The following CCDC177 variants were observed in gnomAD, a reference collection of about 807,000 sequenced individuals.
CCDC177 encodes the protein coiled-coil domain containing 177.
Under a neutral mutation model 7.3 loss-of-function variants are expected in CCDC177, and 2 were observed. That is an observed-to-expected ratio of 0.28 (90% CI 0.11 to 0.87). The LOEUF (loss-of-function observed/expected upper bound fraction) is 0.87. CCDC177 is among the 40% of genes least tolerant of loss of function. The pLI, the probability that CCDC177 is intolerant of heterozygous loss-of-function variation, is 0.61. For synonymous variants in CCDC177, 401 were observed against 449.2 expected (o/e 0.89, Z 1.36); for missense variants, 874 against 970.5 (o/e 0.90, Z 1.32).
Position 69,572,523 on chromosome 14 carries a change from T to G in CCDC177, c.1100A>C (p.Glu367Ala). The change falls in exon 2 of 2, where the codon GAG (glutamate) becomes GCG (alanine). Residue 367 changes from glutamate to alanine, a missense_variant. Coordinates refer to ENST00000599174, the MANE Select transcript of CCDC177 (RefSeq NM_001271507.2). ...CTGCTTGGCGTGCACGCGCTGCAGC[T>G]CCCACTGGCCGTGGGCAGCCGCGCG... ...EQRAAAHGQW[E>A]LQRVHAKQRR... 8.1e-7 allele frequency: 1 copy of G among 1,231,032 alleles called. No individual in the cohort carries two copies. The highest frequency in any genetic ancestry group is 1.0e-6 in the Non-Finnish European group (1 of 987,506). 76.3% of individuals were successfully genotyped at this position (1,231,032 alleles called of 1,614,324 possible). A position where few individuals can be genotyped will look rare whatever the true frequency, so the allele number is the denominator to read the frequency against.
chr14:69,570,528 A>T lies in CCDC177; in HGVS notation c.*971T>A. 3.1e-6 allele frequency: 1 copy of T among 327,088 alleles called. No individual in the cohort carries two copies. The highest frequency in any genetic ancestry group is 6.0e-6 in the Non-Finnish European group (1 of 166,104). 20.3% of individuals were successfully genotyped at this position (327,088 alleles called of 1,614,324 possible). On this transcript the variant is annotated 3_prime_UTR_variant, in exon 2 of 2. Coordinates refer to ENST00000599174, the MANE Select transcript of CCDC177 (RefSeq NM_001271507.2). ...AGAGAAGTAGAGATGATTCCTTCACAGAGGGAATCCTACACTCCAAACTCT... is the reference window on the plus strand; with the variant it reads ...AGAGAAGTAGAGATGATTCCTTCACTGAGGGAATCCTACACTCCAAACTCT...
rs1432802928 is a variant in CCDC177 at position 69,573,344 on chromosome 14, G to A, written c.279C>T (p.Ser93=). ...EAEGSRYVLT[S]PRSLEACARC... ...GGGCGCAGGCCTCTAGCGAGCGGGGGCTGGTCAGCACGTAGCGGCTGCCCT... is the reference window on the plus strand; with the variant it reads ...GGGCGCAGGCCTCTAGCGAGCGGGGACTGGTCAGCACGTAGCGGCTGCCCT... The change falls in exon 2 of 2, where the codon AGC becomes AGT. Residue 93 remains serine, a synonymous_variant. Coordinates refer to ENST00000599174, the MANE Select transcript of CCDC177 (RefSeq NM_001271507.2). The A allele has an allele frequency of 8.1e-7, 1 of 1,231,408 alleles. No homozygotes were observed. 76.3% of individuals were successfully genotyped at this position (1,231,408 alleles called of 1,614,324 possible). A position where few individuals can be genotyped will look rare whatever the true frequency, so the allele number is the denominator to read the frequency against.
chr14:69,571,598 G>A lies in CCDC177; in HGVS notation c.2025C>T (p.Ser675=). ...LESARSTARA[S]FHVREKVREE... The stretch of plus-strand genomic sequence containing the variant: ...CGCGCACCTTCTCACGCACGTGGAA[G>A]GAAGCCCGGGCTGTGGAGCGGGCGC... Residue 675 remains serine (S), a synonymous_variant, in exon 2 of 2, where the codon TCC becomes TCT. Coordinates refer to ENST00000599174, the MANE Select transcript of CCDC177 (RefSeq NM_001271507.2). 1 of 1,235,144 alleles carries A rather than the reference G, an allele frequency of 8.1e-7. No homozygotes were observed. Among genetic ancestry groups the A allele is most frequent in the Non-Finnish European group, 1.0e-6 (1 of 989,982 alleles). The allele number at this position is 1,235,144 out of a possible 1,614,324, so 76.5% of individuals were successfully genotyped here. A position where few individuals can be genotyped will look rare whatever the true frequency, so the allele number is the denominator to read the frequency against.
chr14:69,571,557 C>G lies in CCDC177; in HGVS notation c.2066G>C (p.Arg689Pro), dbSNP rs776159796. Reference protein sequence around the residue: ...REKVREETNTRSFDRMVREAQ... With the variant: ...REKVREETNTPSFDRMVREAQ... ...CTCCCGCACCATGCGGTCGAAGGAT[C>G]GCGTGTTGGTCTCCTCGCGCACCTT... is the stretch of plus-strand genomic sequence containing the variant. The change falls in exon 2 of 2, where the codon CGA becomes CCA. Residue 689 changes from arginine to proline, a missense_variant. Arg to Pro is a moderately radical substitution (Grantham distance 103, BLOSUM62 -2). Coordinates refer to ENST00000599174, the MANE Select transcript of CCDC177 (RefSeq NM_001271507.2). The G allele has an allele frequency of 9.7e-6, 12 of 1,237,674 alleles. No individual in the cohort carries two copies. The highest frequency in any genetic ancestry group is 1.2e-5 in the Non-Finnish European group (12 of 991,088). The allele number at this position is 1,237,674 out of a possible 1,614,324, so 76.7% of individuals were successfully genotyped here.
chr14:69,573,737 C>G, intron 1 of CCDC177, 87 bp from the exon 2 acceptor site: 1 of 1,151,084 alleles, frequency 8.7e-7, no homozygotes. Context: ...CCAACTTAAT[C>G]CGCTTTCGGA....
In CCDC177 at chr14:69,571,392, C is replaced by T. The variant is rs917474270; in HGVS notation, c.*107G>A. On this transcript the variant is annotated 3_prime_UTR_variant, in exon 2 of 2. Coordinates refer to ENST00000599174, the MANE Select transcript of CCDC177 (RefSeq NM_001271507.2). ...TTGTTGCCTCATTGGTCAGAAGCCTCGAGAGGCCACCGCGCTGCGCACCGA... is the reference window on the plus strand; with the variant it reads ...TTGTTGCCTCATTGGTCAGAAGCCTTGAGAGGCCACCGCGCTGCGCACCGA... 7 of 760,844 alleles carry T rather than the reference C, an allele frequency of 9.2e-6. No homozygotes were observed. The highest frequency in any genetic ancestry group is 8.9e-5 in the East Asian group (3 of 33,742). The allele number at this position is 760,844 out of a possible 1,614,324, so 47.1% of individuals were successfully genotyped here. A position where few individuals can be genotyped will look rare whatever the true frequency, so the allele number is the denominator to read the frequency against.
Position 69,573,172 on chromosome 14 carries a change from CG to C in CCDC177, c.450del (p.Glu151SerfsTer17). 4.9e-6 allele frequency: 6 copies of C among 1,230,340 alleles called. No homozygotes were observed. The highest frequency in any genetic ancestry group is 6.1e-6 in the Non-Finnish European group (6 of 987,002). The allele number at this position is 1,230,340 out of a possible 1,614,324, so 76.2% of individuals were successfully genotyped here. A position where few individuals can be genotyped will look rare whatever the true frequency, so the allele number is the denominator to read the frequency against. On this transcript the variant is annotated frameshift_variant, in exon 2 of 2. Coordinates refer to ENST00000599174, the MANE Select transcript of CCDC177 (RefSeq NM_001271507.2). LOFTEE classifies it low-confidence loss of function (END_TRUNC). Reference sequence around the variant, plus strand: ...TCCTCGCGCATGATGCGCTCGCGCTCGGCCCGGCATTGCTGCAGCTTGGCGC... The same window carrying C: ...TCCTCGCGCATGATGCGCTCGCGCTCGCCCGGCATTGCTGCAGCTTGGCGC... The part of the protein sequence containing the change: ...ERRAKLQQCR[A>X]ERERIMREEK...
Position 69,573,644 on chromosome 14 carries a change from G to A in CCDC177, c.-22C>T. The A allele has an allele frequency of 8.1e-7, 1 of 1,231,802 alleles. No homozygotes were observed. 76.3% of individuals were successfully genotyped at this position (1,231,802 alleles called of 1,614,324 possible). On this transcript the variant is annotated 5_prime_UTR_variant, in exon 2 of 2. Transcript: ENST00000599174. ...CCATGGCTGAGCCCCGTCCTTTGTT[G>A]GAATCTCTGCAGATCACAAGGAGGG...
chr14:69,572,725 C>A lies in CCDC177; in HGVS notation c.898G>T (p.Gly300Cys), dbSNP rs112597196. The A allele has an allele frequency of 3.2e-6, 4 of 1,231,396 alleles. No individual in the cohort carries two copies. The East Asian group carries it at 1.3e-4, about 39-fold the overall frequency. 76.3% of individuals were successfully genotyped at this position (1,231,396 alleles called of 1,614,324 possible). Residue 300 changes from glycine (G) to cysteine (C), a missense_variant, in exon 2 of 2, where the codon GGC becomes TGC. Coordinates refer to ENST00000599174, the MANE Select transcript of CCDC177 (RefSeq NM_001271507.2). The part of the protein sequence containing the change: ...PSALTLVPIT[G>C]RSFSLGDLSH... ...AGGTCGCCGAGGCTGAAGCTGCGGC[C>A]GGTGATCGGAACCAGGGTCAGGGCA...
chr14:69,572,424 T>G lies in CCDC177; in HGVS notation c.1199A>C (p.Glu400Ala). ...GCGGCCACGGCGGCCTCGCCGCTCCTCCACCTGCGCGGCCCAGGCTCGGCG... is the reference window on the plus strand; with the variant it reads ...GCGGCCACGGCGGCCTCGCCGCTCCGCCACCTGCGCGGCCCAGGCTCGGCG... ...QGRRAWAAQV[E>A]ERRGRRGREE... The change falls in exon 2 of 2, where the codon GAG (glutamate) becomes GCG (alanine). Residue 400 changes from glutamate to alanine, a missense_variant. Coordinates refer to ENST00000599174, the MANE Select transcript of CCDC177 (RefSeq NM_001271507.2). 8.1e-7 allele frequency: 1 copy of G among 1,227,042 alleles called. No homozygotes were observed. Among genetic ancestry groups the G allele is most frequent in the Non-Finnish European group, 1.0e-6 (1 of 985,202 alleles). 76.0% of individuals were successfully genotyped at this position (1,227,042 alleles called of 1,614,324 possible).
In CCDC177 at chr14:69,570,736, G is replaced by A. The variant is rs1347811894; in HGVS notation, c.*763C>T. ...CCAAAGGAATCCAGCCCCTCCAGGG[G>A]CTGGGGGTTTCTATTAAAGCTAAAC... On this transcript the variant is annotated 3_prime_UTR_variant, in exon 2 of 2. Transcript: ENST00000599174. 2.2e-6 allele frequency: 1 copy of A among 450,640 alleles called. No individual in the cohort carries two copies. The highest frequency in any genetic ancestry group is 4.5e-6 in the Non-Finnish European group (1 of 223,330). The allele number at this position is 450,640 out of a possible 1,614,324, so 27.9% of individuals were successfully genotyped here. A position where few individuals can be genotyped will look rare whatever the true frequency, so the allele number is the denominator to read the frequency against.
Position 69,573,140 on chromosome 14 carries a change from C to T in CCDC177, c.483G>A (p.Arg161=). ...CGGGGCTCAAAGGCGTGAAAAGACGCCGCTTCTCCTCGCGCATGATGCGCT... is the reference window on the plus strand; with the variant it reads ...CGGGGCTCAAAGGCGTGAAAAGACGTCGCTTCTCCTCGCGCATGATGCGCT... ...ERERIMREEK[R]RLFTPLSPAA... is the part of the protein sequence containing the mutation. The change falls in exon 2 of 2, where the codon CGG becomes CGA. Residue 161 remains arginine (R), a synonymous_variant. Transcript: ENST00000599174. 8.1e-7 allele frequency: 1 copy of T among 1,229,240 alleles called. No homozygotes were observed. The highest frequency in any genetic ancestry group is 1.6e-5 in the African/African-American group (1 of 64,356). The allele number at this position is 1,229,240 out of a possible 1,614,324, so 76.1% of individuals were successfully genotyped here.
At position 69,571,021 on chromosome 14, in the gene CCDC177, G is replaced by C. The variant is rs1396464396; in HGVS notation, c.*478C>G. ...TCTCTGGGAGGCCTCCGCGATTTGT[G>C]CAGCTTGCCATATTTTGAAAGATGG... On this transcript the variant is annotated 3_prime_UTR_variant, in exon 2 of 2. Transcript: ENST00000599174. 1 of 463,080 alleles carries C rather than the reference G, an allele frequency of 2.2e-6. No homozygotes were observed. Among genetic ancestry groups the C allele is most frequent in the Non-Finnish European group, 4.3e-6 (1 of 230,934 alleles). The allele number at this position is 463,080 out of a possible 1,614,324, so 28.7% of individuals were successfully genotyped here. A position where few individuals can be genotyped will look rare whatever the true frequency, so the allele number is the denominator to read the frequency against.
In CCDC177 at chr14:69,571,037, T is replaced by C. The variant is rs1316285401; in HGVS notation, c.*462A>G. 8.6e-6 allele frequency: 4 copies of C among 465,030 alleles called. No homozygotes were observed. Among genetic ancestry groups the C allele is most frequent in the Non-Finnish European group, 1.7e-5 (4 of 232,448 alleles). 28.8% of individuals were successfully genotyped at this position (465,030 alleles called of 1,614,324 possible). ...GCGATTTGTGCAGCTTGCCATATTT[T>C]GAAAGATGGAGGTGAGCCAGGGTGA... On this transcript the variant is annotated 3_prime_UTR_variant, in exon 2 of 2. Transcript: ENST00000599174.
Position 69,571,230 on chromosome 14 carries a change from G to A in CCDC177, c.*269C>T. The A allele has an allele frequency of 3.5e-6, 2 of 578,972 alleles. No individual in the cohort carries two copies. The highest frequency in any genetic ancestry group is 6.2e-6 in the Non-Finnish European group (2 of 324,726). 35.9% of individuals were successfully genotyped at this position (578,972 alleles called of 1,614,324 possible). The stretch of plus-strand genomic sequence containing the variant: ...CAAGCTTCTCTATTCCAGCCCAAGA[G>A]ACACATAGGGAAGTTTGGCAAGGGT... On this transcript the variant is annotated 3_prime_UTR_variant, in exon 2 of 2. Coordinates refer to ENST00000599174, the MANE Select transcript of CCDC177 (RefSeq NM_001271507.2).
chr14:69,573,048 C>T lies in CCDC177; in HGVS notation c.575G>A (p.Ser192Asn). The part of the protein sequence containing the change: ...APSAGSSSSC[S>N]SASLPASPAP... Reference sequence around the variant, plus strand: ...GGGCGAGGCCGGGAGGCTGGCGCTGCTGCAGCTGCTGCTGCTGCCCGCGCT... The same window carrying T: ...GGGCGAGGCCGGGAGGCTGGCGCTGTTGCAGCTGCTGCTGCTGCCCGCGCT... Residue 192 changes from serine (S) to asparagine (N), a missense_variant, in exon 2 of 2, where the codon AGC (serine) becomes AAC (asparagine). Ser to Asn is a conservative substitution (Grantham distance 46, BLOSUM62 1). Coordinates refer to ENST00000599174, the MANE Select transcript of CCDC177 (RefSeq NM_001271507.2). 8.2e-7 allele frequency: 1 copy of T among 1,223,382 alleles called. No homozygotes were observed. The allele number at this position is 1,223,382 out of a possible 1,614,324, so 75.8% of individuals were successfully genotyped here. A position where few individuals can be genotyped will look rare whatever the true frequency, so the allele number is the denominator to read the frequency against.
chr14:69,574,427 C>T (rs1164846026), intron 1 of CCDC177, 115 bp downstream of exon 1: 1 of 152,292 alleles, frequency 6.6e-6, no homozygotes, highest in Non-Finnish European at 1.5e-5. Flanking sequence ...CAGATACCCG[C>T]CCTCGGGTGC....
Position 69,573,557 on chromosome 14 carries a change from C to T in CCDC177, c.66G>A (p.Glu22=). The T allele has an allele frequency of 4.9e-6, 6 of 1,231,844 alleles. No homozygotes were observed. Among genetic ancestry groups the T allele is most frequent in the South Asian group, 4.1e-5 (1 of 24,328 alleles). The allele number at this position is 1,231,844 out of a possible 1,614,324, so 76.3% of individuals were successfully genotyped here. Reference sequence around the variant, plus strand: ...AATCAGGGGGCACGGACGCCACGGCCTCGTCCCCTCCAGAGTCGCCGGGTT... The same window carrying T: ...AATCAGGGGGCACGGACGCCACGGCTTCGTCCCCTCCAGAGTCGCCGGGTT... The part of the protein sequence containing the change: ...GAEPGDSGGD[E]AVASVPPDSQ... Residue 22 remains glutamate, a synonymous_variant, in exon 2 of 2, where the codon GAG becomes GAA. Transcript: ENST00000599174.
At position 69,573,104 on chromosome 14, in the gene CCDC177, G is replaced by A. The variant is rs1447005969; in HGVS notation, c.519C>T (p.Ala173=). The change falls in exon 2 of 2, where the codon GCC becomes GCT. Residue 173 remains alanine (A), a synonymous_variant. Coordinates refer to ENST00000599174, the MANE Select transcript of CCDC177 (RefSeq NM_001271507.2). ...CCGAGGCCGCGGCGGCGGCGGCGGC[G>A]GCGGCGGCCGCGGGGCTCAAAGGCG... ...LFTPLSPAAA[A]AAAAAAASAP... The A allele has an allele frequency of 4.6e-5, 56 of 1,221,686 alleles. No homozygotes were observed. Among genetic ancestry groups the A allele is most frequent in the Non-Finnish European group, 4.5e-5 (44 of 982,078 alleles). The allele number at this position is 1,221,686 out of a possible 1,614,324, so 75.7% of individuals were successfully genotyped here. A position where few individuals can be genotyped will look rare whatever the true frequency, so the allele number is the denominator to read the frequency against.
Sources: allele counts gnomAD v4.1 joint callset, GRCh38; gene constraint gnomAD v4.1.1; transcripts MANE v1.5; gene names NCBI Gene and HGNC (gene_info 2026-07-23, HGNC 2026-07-21).